The following ATG4D variants were observed in gnomAD, a reference collection of about 807,000 sequenced individuals.
The protein encoded by ATG4D is cysteine protease ATG4D.
Under a neutral mutation model 55.2 loss-of-function variants are expected in ATG4D, and 51 were observed. The ratio of observed to expected loss-of-function variants is 0.92; its 90% CI spans 0.74 to 1.17. ATG4D has a LOEUF of 1.17. Ranked by LOEUF, ATG4D falls within the 50% of genes most tolerant of loss-of-function variation. ATG4D has a pLI of 0.00. For missense variants in ATG4D, 635 were observed against 649.6 expected (o/e 0.98, Z 0.25); for synonymous variants, 268 against 266.2 (o/e 1.01, Z -0.07).
At position 10,553,138 on chromosome 19, in the gene ATG4D, T is replaced by C; in HGVS notation, c.*71T>C. On this transcript the variant is annotated 3_prime_UTR_variant, in exon 10 of 10. Coordinates refer to ENST00000309469, the MANE Select transcript of ATG4D (RefSeq NM_032885.6). ...TTATGTCATGTCGGGTGTGGGATCT[T>C]GAGCTCTGGCAGTGATGATGGTACT... is the stretch of plus-strand genomic sequence containing the variant. The C allele has an allele frequency of 6.8e-7, 1 of 1,475,454 alleles. No individual in the cohort carries two copies. The highest frequency in any genetic ancestry group is 2.2e-5 in the Admixed American group (1 of 45,180). 91.4% of individuals were successfully genotyped at this position (1,475,454 alleles called of 1,614,324 possible).
chr19:10,547,419 G>A (rs1018782755), intron 5 of ATG4D, among the ~76,000 whole-genome samples, 166 bp downstream of exon 5: 3 of 151,990 alleles, frequency 2.0e-5, no homozygotes, highest in African/African-American at 4.8e-5. Context: ...CCTCTTCTCC[G>A]TCTCTCCCTC....
chr19:10,552,388 G>A, intron 9 of ATG4D, 64 bp downstream of exon 9: 1 of 1,543,376 alleles, frequency 6.5e-7, no homozygotes, highest in East Asian at 2.3e-5. Flanking sequence ...GGGTGAAAGA[G>A]GAACAGAGGC....
chr19:10,550,434 G>A (rs1174782286), intron 6 of ATG4D, among the ~76,000 whole-genome samples: 2 of 152,134 alleles, frequency 1.3e-5, no homozygotes, highest in African/African-American at 4.8e-5. Flanking sequence ...CAGGCAAAAG[G>A]AACAGCAAGA....
chr19:10,550,378 G>A (rs1001587434), intron 6 of ATG4D, among the ~76,000 whole-genome samples: 2 of 152,136 alleles, frequency 1.3e-5, no homozygotes, highest in Non-Finnish European at 1.5e-5. Flanking sequence ...CTAGAAAAGC[G>A]CCTCTGCAGC....
In ATG4D at chr19:10,543,939, C is replaced by G; in HGVS notation, c.-152C>G. ...GCTAAGATGGCGATGGCTGCGGTAG[C>G]AGCGGCGGCGGCTGTTGCCTGGCCC... On this transcript the variant is annotated 5_prime_UTR_variant, in exon 1 of 10. Transcript: ENST00000309469. 2.3e-6 allele frequency: 1 copy of G among 441,386 alleles called. No homozygotes were observed. 27.3% of individuals were successfully genotyped at this position (441,386 alleles called of 1,614,324 possible).
At position 10,544,277 on chromosome 19, in the gene ATG4D, G is replaced by A. The variant is rs764938915; in HGVS notation, c.187G>A (p.Asp63Asn). 7.8e-7 allele frequency: 1 copy of A among 1,283,052 alleles called. No homozygotes were observed. The highest frequency in any genetic ancestry group is 9.9e-7 in the Non-Finnish European group (1 of 1,007,318). The allele number at this position is 1,283,052 out of a possible 1,614,324, so 79.5% of individuals were successfully genotyped here. A position where few individuals can be genotyped will look rare whatever the true frequency, so the allele number is the denominator to read the frequency against. The change falls in exon 1 of 10, where the codon GAC becomes AAC. Residue 63 changes from aspartate (D) to asparagine (N), a missense_variant. Physicochemically the swap from Asp to Asn is conservative, Grantham distance 23. Transcript: ENST00000309469. ...TGGCCCGAGTGAGCCGGACGAAGTG[G>A]ACAAGTTCAAGGCCAAGTTCCTGAC... Reference protein sequence around the residue: ...GAGPSEPDEVDKFKAKFLTAW... With the variant: ...GAGPSEPDEVNKFKAKFLTAW...
chr19:10,544,773 G>T lies in ATG4D; in HGVS notation c.236-10G>T, dbSNP rs201504935. 9.0e-4 allele frequency: 1,453 copies of T among 1,613,808 alleles called. 1 individual carries two copies. Among genetic ancestry groups the T allele is most frequent in the Non-Finnish European group, 1.1e-3 (1,309 of 1,179,942 alleles). On this transcript the variant is annotated splice_polypyrimidine_tract_variant and intron_variant, in intron 1 of 9. Transcript: ENST00000309469. ...TCATCTCGCTGGGCGCTGCCCCTAC[G>T]TCTCCCCAGGTTGGGTGGTTAAAAG...
intron 3 of ATG4D, among the ~76,000 whole-genome samples, chr19:10,545,807 A>C (rs1270638295): frequency 1.3e-5 from 2 of 151,574 alleles, no homozygotes; most frequent in African/African-American, 4.9e-5. Context: ...CGGAGGTTGC[A>C]GTGAGCCGAG....
At chr19:10,548,174 C>T (rs924341272) in intron 5 of ATG4D, among the ~76,000 whole-genome samples, 6 of 151,024 alleles carry the variant, frequency 4.0e-5, no homozygotes, top group South Asian at 2.1e-4. Context: ...GGACTACAGG[C>T]GCGTGCCATC....
Position 10,547,225 on chromosome 19 carries a change from G to A in ATG4D, c.807G>A (p.Leu269=), listed in dbSNP as rs1282735772. ...AGAGCTGCTCCGACGTCACCCGCCT[G>A]GTGGTGTACGTTTCTCAGGACTGCA... ...AVESCSDVTR[L]VVYVSQDCTV... Residue 269 remains leucine, a synonymous_variant, in exon 5 of 10, where the codon CTG becomes CTA. Transcript: ENST00000309469. The A allele has an allele frequency of 6.2e-7, 1 of 1,613,854 alleles. No homozygotes were observed. Among genetic ancestry groups the A allele is most frequent in the African/African-American group, 1.3e-5 (1 of 74,936 alleles).
At chr19:10,549,227 G>A (rs779087440) in intron 6 of ATG4D, among the ~76,000 whole-genome samples, 193 bp downstream of exon 6, 14 of 151,024 alleles carry the variant, frequency 9.3e-5, no homozygotes, top group Non-Finnish European at 1.3e-4. Context: ...GGGTTCAAGC[G>A]ATTTTCTTGC....
In ATG4D at chr19:10,553,399, A is replaced by G. The variant is rs1916373581; in HGVS notation, c.*332A>G. ...GGGGGAACTGTGGCTGCTGGGGGCC[A>G]ATAAAGCTGTGTAACTTGATCGTGG... On this transcript the variant is annotated 3_prime_UTR_variant, in exon 10 of 10. Coordinates refer to ENST00000309469, the MANE Select transcript of ATG4D (RefSeq NM_032885.6). 3.9e-6 allele frequency: 1 copy of G among 259,676 alleles called. No individual in the cohort carries two copies. Among genetic ancestry groups the G allele is most frequent in the African/African-American group, 2.2e-5 (1 of 45,896 alleles). 16.1% of individuals were successfully genotyped at this position (259,676 alleles called of 1,614,324 possible).
chr19:10,549,537 T>C (rs549517240), intron 6 of ATG4D, among the ~76,000 whole-genome samples: 1 of 152,046 alleles, frequency 6.6e-6, no homozygotes, highest in Admixed American at 6.6e-5. Context: ...CCTGCCTCAG[T>C]CTCCCAGGTA....
Position 10,544,285 on chromosome 19 carries a change from C to A in ATG4D, c.195C>A (p.Phe65Leu). 7.7e-7 allele frequency: 1 copy of A among 1,291,930 alleles called. No homozygotes were observed. The highest frequency in any genetic ancestry group is 1.5e-5 in the African/African-American group (1 of 66,032). The allele number at this position is 1,291,930 out of a possible 1,614,324, so 80.0% of individuals were successfully genotyped here. Residue 65 changes from phenylalanine to leucine, a missense_variant, in exon 1 of 10, where the codon TTC becomes TTA. Physicochemically the swap from Phe to Leu is conservative, Grantham distance 22. Transcript: ENST00000309469. ...GPSEPDEVDK[F>L]KAKFLTAWNN... ...GTGAGCCGGACGAAGTGGACAAGTT[C>A]AAGGCCAAGTTCCTGACAGCCTGGA...
chr19:10,549,061 C>T (rs12979378), intron 6 of ATG4D, 27 bp downstream of exon 6: 366,362 of 1,612,472 alleles, frequency 0.23, 44,281 homozygotes, highest in Non-Finnish European at 0.25. Context: ...TCTAGGACAC[C>T]TCCACCTGGG....
chr19:10,544,614 TG>T, intron 1 of ATG4D, 168 bp from the exon 2 acceptor site: 2 of 1,302,250 alleles, frequency 1.5e-6, no homozygotes, highest in South Asian at 1.5e-5. Flanking sequence ...GAATTGATGG[TG>T]GACACTCCTG....
chr19:10,549,711 G>A (rs767096075), intron 6 of ATG4D, among the ~76,000 whole-genome samples: 8 of 151,964 alleles, frequency 5.3e-5, no homozygotes, highest in East Asian at 1.9e-4. Context: ...GAGCCACCAC[G>A]CCCGGCCCAT....
intron 5 of ATG4D, among the ~76,000 whole-genome samples, chr19:10,547,579 CATT>C (rs941891167): frequency 7.6e-6 from 1 of 131,048 alleles, no homozygotes; most frequent in African/African-American, 2.8e-5. Context: ...AGTGAGCTGT[CATT>C]ATGCCATTGC....
At chr19:10,549,290 A>G (rs1384438933) in intron 6 of ATG4D, among the ~76,000 whole-genome samples, 1 of 151,706 alleles carries the variant, frequency 6.6e-6, no homozygotes, top group Non-Finnish European at 1.5e-5. Context: ...CGACCACCTA[A>G]TTTTGTACTT....
Sources: gnomAD v4.1 joint callset for allele counts (sites outside exome capture counted in the v4.1 genomes callset) on GRCh38, gnomAD v4.1.1 for gene constraint, MANE v1.5 for transcripts, NCBI Gene and HGNC (gene_info 2026-07-23, HGNC 2026-07-21) for gene names.